The following WNK3 variants were observed in gnomAD, a reference collection of about 807,000 sequenced individuals.
WNK3 encodes the protein serine/threonine-protein kinase WNK3.
In WNK3, 18 loss-of-function variants were observed where a neutral mutation model predicts 116.7. The ratio of observed to expected loss-of-function variants is 0.15; its 90% CI spans 0.11 to 0.23. The LOEUF (loss-of-function observed/expected upper bound fraction) is 0.23, where lower values mean the gene tolerates loss of function less well. Ranked by LOEUF, WNK3 falls within the 10% of genes least tolerant of loss-of-function variation. The pLI is 1.00. For synonymous variants in WNK3, 404 were observed against 469.4 expected (o/e 0.86, Z 1.80); for missense variants, 993 against 1,323.8 (o/e 0.75, Z 3.88).
intron 17 of WNK3, among the ~76,000 whole-genome samples, chrX:54,247,759 T>C (rs1227111128): frequency 9.1e-6 from 1 of 110,409 alleles, no homozygotes; most frequent in Non-Finnish European, 1.9e-5. Context: ...TACTGTAAAA[T>C]GAAAAAATTA....
chrX:54,226,570 G>A (rs1267571521), intron 22 of WNK3, among the ~76,000 whole-genome samples: 1 of 104,994 alleles, frequency 9.5e-6, no homozygotes, highest in African/African-American at 3.5e-5. Context: ...GGCCGGGCAC[G>A]GTGGCTCATG....
intron 10 of WNK3, among the ~76,000 whole-genome samples, chrX:54,272,585 T>C (rs782048892): frequency 1.8e-5 from 2 of 112,304 alleles, no homozygotes; most frequent in African/African-American, 6.5e-5. Flanking sequence ...TTTAATAATA[T>C]TCACTCACAG....
intron 2 of WNK3, among the ~76,000 whole-genome samples, chrX:54,324,822 A>G (rs2069080089): frequency 8.9e-6 from 1 of 112,783 alleles, no homozygotes; most frequent in Non-Finnish European, 1.9e-5. Flanking sequence ...CGAATACTGT[A>G]AACAACTATA....
chrX:54,324,054 G>T (rs1267332040), intron 2 of WNK3, among the ~76,000 whole-genome samples: 2 of 111,907 alleles, frequency 1.8e-5, no homozygotes, highest in African/African-American at 6.5e-5. Flanking sequence ...TTCCTGTGAA[G>T]ACTCTAGAGA....
At chrX:54,268,079 TGCAC>T (rs1315042465) in intron 10 of WNK3, among the ~76,000 whole-genome samples, 2 of 63,744 alleles carry the variant, frequency 3.1e-5, no homozygotes, top group East Asian at 4.7e-4. Context: ...TCTGAATGCG[TGCAC>T]ACACACACAC....
chrX:54,285,240 C>G (rs1387908535), intron 10 of WNK3, among the ~76,000 whole-genome samples: 1 of 110,476 alleles, frequency 9.1e-6, no homozygotes, highest in Non-Finnish European at 1.9e-5. Flanking sequence ...GACCCCGTCT[C>G]TATAAAAAAA....
chrX:54,334,546 T>C (rs782396948), intron 1 of WNK3, among the ~76,000 whole-genome samples: 1 of 112,681 alleles, frequency 8.9e-6, no homozygotes, highest in Non-Finnish European at 1.9e-5. Context: ...TATCAGAATT[T>C]CATTCCTTTT....
intron 17 of WNK3, among the ~76,000 whole-genome samples, chrX:54,246,693 G>A (rs2068077052): frequency 8.9e-6 from 1 of 111,934 alleles, no homozygotes. Context: ...GAATACAGTA[G>A]CCACTAATCA....
exon 24 of WNK3, chrX:54,196,178 C>T (rs2067440957): frequency 9.0e-6 from 1 of 110,999 alleles, no homozygotes; most frequent in Admixed American, 9.6e-5. Flanking sequence ...TTGCATTACA[C>T]TAATGTCCTA....
Position 54,342,252 on chromosome X carries a change from A to T in WNK3, c.-119-8460T>A, listed in dbSNP as rs1172617348. On this transcript the variant is annotated intron_variant, in intron 1 of 23. Coordinates refer to ENST00000354646, the Ensembl canonical transcript of WNK3. ...ACTCCAGCCTGGGTGACAGAGAGAG[A>T]TTCTGCCTATAAAAAAAATTTTTTT... is the stretch of plus-strand genomic sequence containing the variant. 2.7e-5 allele frequency among the ~76,000 whole-genome samples: 3 copies of T among 110,744 alleles called. No homozygotes were observed. The Admixed American group carries it at 2.9e-4, about 11-fold the overall frequency.
chrX:54,200,207 G>A lies in WNK3; in HGVS notation c.5074-1554C>T, dbSNP rs782531192. Among the ~76,000 whole-genome samples, 5 of 111,541 alleles carry A rather than the reference G, an allele frequency of 4.5e-5. No homozygotes were observed. In the South Asian group the frequency reaches 1.5e-3, roughly 33 times the overall value. ...TTATTACGGTTGCAATTTTATATTC[G>A]TATATGCAATTCTGTTATGTCTAAC... On this transcript the variant is annotated intron_variant, in intron 23 of 23. Transcript: ENST00000354646.
chrX:54,193,933 T>C (rs2067422070), exon 24 of WNK3: 1 of 111,174 alleles, frequency 9.0e-6, no homozygotes, highest in African/African-American at 3.3e-5. Context: ...AAAAACAATC[T>C]TCTAGAAAAT....
rs1159239842 is a variant in WNK3 at position 54,210,946 on chromosome X, T to A, written c.4871-8753A>T. Reference sequence around the variant, plus strand: ...AAGAACTGTGCAATCTGTGGTGTTTTTGCACAAGGCTGTTCCCATCACCCC... The same window carrying A: ...AAGAACTGTGCAATCTGTGGTGTTTATGCACAAGGCTGTTCCCATCACCCC... On this transcript the variant is annotated intron_variant, in intron 22 of 23. Coordinates refer to ENST00000354646, the Ensembl canonical transcript of WNK3. Among the ~76,000 whole-genome samples the A allele has an allele frequency of 2.7e-5, 3 of 112,075 alleles. No individual in the cohort carries two copies. The Admixed American group carries it at 2.9e-4, about 11-fold the overall frequency.
At chrX:54,267,293 T>A (rs2146999793) in intron 10 of WNK3, among the ~76,000 whole-genome samples, 1 of 110,177 alleles carries the variant, frequency 9.1e-6, no homozygotes, top group African/African-American at 3.3e-5. Flanking sequence ...GTGTCAAACT[T>A]CTCGGCTCAA....
chrX:54,198,382 T>C (rs1557140712), exon 24 of WNK3: 7 of 1,210,213 alleles, frequency 5.8e-6, no homozygotes, highest in Non-Finnish European at 7.8e-6. Flanking sequence ...TGGAAATGCC[T>C]GCATATTCAT....
intron 22 of WNK3, among the ~76,000 whole-genome samples, chrX:54,214,927 G>A (rs1245528855): frequency 9.2e-6 from 1 of 108,929 alleles, no homozygotes; most frequent in Non-Finnish European, 1.9e-5. Flanking sequence ...GCAGGAAAAT[G>A]GCGTGAACCC....
chrX:54,350,725 T>C (rs1427917890), intron 1 of WNK3, among the ~76,000 whole-genome samples: 1 of 111,353 alleles, frequency 9.0e-6, no homozygotes, highest in Non-Finnish European at 1.9e-5. Flanking sequence ...TGAACAAATA[T>C]GTAGGTACAG....
chrX:54,321,892 G>C (rs1557172358), intron 2 of WNK3, among the ~76,000 whole-genome samples: 2 of 106,824 alleles, frequency 1.9e-5, no homozygotes, highest in Non-Finnish European at 3.8e-5. Flanking sequence ...CCGGGAGGCA[G>C]AAAATTCGCT....
chrX:54,279,684 T>C (rs1438078648), intron 10 of WNK3, among the ~76,000 whole-genome samples: 1 of 112,158 alleles, frequency 8.9e-6, no homozygotes, highest in Non-Finnish European at 1.9e-5. Context: ...AGAATGTAAA[T>C]TAAAATCCCT....
Sources: allele counts gnomAD v4.1 joint callset (sites outside exome capture counted in the v4.1 genomes callset), GRCh38; gene constraint gnomAD v4.1.1; transcripts MANE v1.5; gene names NCBI Gene and HGNC (gene_info 2026-07-23, HGNC 2026-07-21).